The following CCDC186 variants were observed in gnomAD, a reference collection of about 807,000 sequenced individuals.
CCDC186 encodes coiled-coil domain-containing protein 186.
Under a neutral mutation model 113.7 loss-of-function variants are expected in CCDC186, and 49 were observed. The ratio of observed to expected loss-of-function variants is 0.43; its 90% CI spans 0.34 to 0.55. CCDC186 has a LOEUF of 0.55. Ranked by LOEUF, CCDC186 falls within the 20% of genes least tolerant of loss-of-function variation. CCDC186 has a pLI of 0.02. For missense variants in CCDC186, 890 were observed against 1,011.1 expected (o/e 0.88, Z 1.62); for synonymous variants, 355 against 345.8 (o/e 1.03, Z -0.30).
chr10:114,163,028 C>T lies in CCDC186; in HGVS notation c.241G>A (p.Ala81Thr). Reference sequence around the variant, plus strand: ...TTTTCTGAGCCTGTGTCTGTTTTGGCACAAGAATCCTCACCTCCACCATGA... The same window carrying T: ...TTTTCTGAGCCTGTGTCTGTTTTGGTACAAGAATCCTCACCTCCACCATGA... Reference protein sequence around the residue: ...PDHGGGEDSCAKTDTGSENSE... With the variant: ...PDHGGGEDSCTKTDTGSENSE... The change falls in exon 2 of 16, where the codon GCC (alanine) becomes ACC (threonine). Residue 81 changes from alanine to threonine, a missense_variant. Ala to Thr is a moderately conservative substitution (Grantham distance 58). Coordinates refer to ENST00000369287, the MANE Select transcript of CCDC186 (RefSeq NM_018017.4). 6.2e-7 allele frequency: 1 copy of T among 1,614,086 alleles called. No individual in the cohort carries two copies. The highest frequency in any genetic ancestry group is 8.5e-7 in the Non-Finnish European group (1 of 1,179,976).
At chr10:114,169,234 CTTTTTTTTTTTTTT>C (rs34677282) in intron 1 of CCDC186, among the ~76,000 whole-genome samples, 1 of 97,502 alleles carries the variant, frequency 1.0e-5, no homozygotes, top group Non-Finnish European at 2.0e-5. Context: ...TAGTACCATT[CTTTTTTTTTTTTTT>C]TTTTTTTTTT....
chr10:114,134,855 T>C (rs1181493360), intron 10 of CCDC186, 58 bp downstream of exon 10: 3 of 1,540,378 alleles, frequency 1.9e-6, no homozygotes, highest in African/African-American at 2.8e-5. Context: ...TTAGAAAATC[T>C]TGAAATAAAA....
intron 15 of CCDC186, 105 bp from the exon 16 acceptor site, chr10:114,125,331 G>C (rs928032703): frequency 7.9e-6 from 6 of 758,192 alleles, no homozygotes; most frequent in Non-Finnish European, 1.1e-5. Context: ...AAATGAAAGA[G>C]TGGTTAGTCC....
intron 3 of CCDC186, among the ~76,000 whole-genome samples, chr10:114,157,095 G>A (rs1172684396): frequency 6.6e-6 from 1 of 151,384 alleles, no homozygotes; most frequent in East Asian, 1.9e-4. Flanking sequence ...TTGTAAAGGA[G>A]AATGGTTTAA....
chr10:114,126,269 T>C (rs2030897317), intron 14 of CCDC186, among the ~76,000 whole-genome samples, 164 bp from the exon 15 acceptor site: 1 of 152,232 alleles, frequency 6.6e-6, no homozygotes, highest in Non-Finnish European at 1.5e-5. Context: ...TCTTAAACTA[T>C]CTCATTTTTG....
chr10:114,166,582 A>C (rs1589634273), intron 1 of CCDC186, among the ~76,000 whole-genome samples: 1 of 152,222 alleles, frequency 6.6e-6, no homozygotes, highest in South Asian at 2.1e-4. Context: ...AACTGAATCA[A>C]ACTCTTAAGT....
chr10:114,145,765 CA>C lies in CCDC186; in HGVS notation c.889-5del, dbSNP rs775074658. The C allele has an allele frequency of 1.4e-4, 223 of 1,560,810 alleles. No individual in the cohort carries two copies. The highest frequency in any genetic ancestry group is 3.5e-4 in the Admixed American group (16 of 45,884). ...CCTCTTCACATTTCTTGTTGGCCTT[CA>C]AAAAAAATATTACTTAGCATTAATG... On this transcript the variant is annotated splice_region_variant and splice_polypyrimidine_tract_variant and intron_variant, in intron 4 of 15. Transcript: ENST00000369287.
chr10:114,125,462 ATTAC>A (rs1011304484), intron 15 of CCDC186, among the ~76,000 whole-genome samples: 5 of 152,188 alleles, frequency 3.3e-5, no homozygotes, highest in African/African-American at 7.2e-5. Flanking sequence ...GCATAAAATG[ATTAC>A]TTACTATTAC....
Position 114,127,499 on chromosome 10 carries a change from G to A in CCDC186, c.2355C>T (p.His785=). The A allele has an allele frequency of 1.2e-6, 2 of 1,613,920 alleles. No homozygotes were observed. The highest frequency in any genetic ancestry group is 1.1e-5 in the South Asian group (1 of 91,064). ...KNEKIEFMED[H]IKQLVEEIRK... ...TAATTTCTTCCACCAGTTGTTTGAT[G>A]TGGTCCTCCATAAATTCTATCTTTT... Residue 785 remains histidine (H), a synonymous_variant, in exon 14 of 16, where the codon CAC becomes CAT. Transcript: ENST00000369287.
At chr10:114,159,662 A>AG (rs1390038862) in intron 2 of CCDC186, among the ~76,000 whole-genome samples, 1 of 149,516 alleles carries the variant, frequency 6.7e-6, no homozygotes, top group Non-Finnish European at 1.5e-5. Flanking sequence ...AAAAAAAAAA[A>AG]AAGAATTTTA....
rs1311694854 is a variant in CCDC186 at position 114,132,092 on chromosome 10, T to C, written c.1748A>G (p.Lys583Arg). Residue 583 changes from lysine to arginine, a missense_variant, in exon 11 of 16, where the codon AAA becomes AGA. Transcript: ENST00000369287. Reference protein sequence around the residue: ...DLQKDIEGSRKRESELLLFTE... With the variant: ...DLQKDIEGSRRRESELLLFTE... ...AAACAGCAGCAGCTCAGATTCTCTT[T>C]TCCTACTGCCTTCGATGTCTTTTTG... The C allele has an allele frequency of 1.7e-5, 27 of 1,613,572 alleles. No homozygotes were observed. Among genetic ancestry groups the C allele is most frequent in the Non-Finnish European group, 2.3e-5 (27 of 1,179,778 alleles).
chr10:114,170,308 T>C (rs956029581), intron 1 of CCDC186, among the ~76,000 whole-genome samples: 4 of 151,922 alleles, frequency 2.6e-5, no homozygotes, highest in African/African-American at 7.3e-5. Flanking sequence ...TATTAAGCTT[T>C]TGGGTAAAAG....
At chr10:114,147,028 G>A (rs1410021478) in intron 4 of CCDC186, among the ~76,000 whole-genome samples, 1 of 152,160 alleles carries the variant, frequency 6.6e-6, no homozygotes, top group East Asian at 1.9e-4. Flanking sequence ...ATTGCATTAG[G>A]GATATGATAG....
chr10:114,148,798 A>C (rs1250056341), intron 4 of CCDC186, among the ~76,000 whole-genome samples: 1 of 152,230 alleles, frequency 6.6e-6, no homozygotes, highest in Non-Finnish European at 1.5e-5. Flanking sequence ...AAAATTTATA[A>C]TACAGCTACA....
chr10:114,130,087 T>C, intron 12 of CCDC186, 116 bp from the exon 13 acceptor site: 1 of 789,920 alleles, frequency 1.3e-6, no homozygotes, highest in East Asian at 2.7e-5. Flanking sequence ...AGAAAGTTCT[T>C]GAATACATAC....
intron 1 of CCDC186, among the ~76,000 whole-genome samples, chr10:114,169,433 G>A (rs1184103508): frequency 1.3e-5 from 2 of 151,518 alleles, no homozygotes; most frequent in Non-Finnish European, 2.9e-5. Context: ...TAGTAAAGAT[G>A]GGGTTTCACC....
At chr10:114,126,188 A>G in intron 14 of CCDC186, 83 bp from the exon 15 acceptor site, 1 of 1,002,920 alleles carries the variant, frequency 1.0e-6, no homozygotes, top group South Asian at 1.5e-5. Context: ...AATCATAAAG[A>G]TAAGCATAAA....
At position 114,124,781 on chromosome 10, in the gene CCDC186, T is replaced by G. The variant is rs1325115266; in HGVS notation, c.*362A>C. 1 of 172,966 alleles carries G rather than the reference T, an allele frequency of 5.8e-6. No homozygotes were observed. The highest frequency in any genetic ancestry group is 1.5e-4 in the East Asian group (1 of 6,604). 10.7% of individuals were successfully genotyped at this position (172,966 alleles called of 1,614,324 possible). A position where few individuals can be genotyped will look rare whatever the true frequency, so the allele number is the denominator to read the frequency against. On this transcript the variant is annotated 3_prime_UTR_variant, in exon 16 of 16. Transcript: ENST00000369287. The stretch of plus-strand genomic sequence containing the variant: ...ACCACCTGTTTTCATGCATAATTTT[T>G]AAAAGGTGAGTCATTTTTGACATTA...
At chr10:114,151,360 A>C in intron 3 of CCDC186, 140 bp from the exon 4 acceptor site, 1 of 708,790 alleles carries the variant, frequency 1.4e-6, no homozygotes, top group Non-Finnish European at 2.2e-6. Flanking sequence ...AACTTTTAGC[A>C]ATGTTTCTAT....
Sources: gnomAD v4.1 joint callset for allele counts (sites outside exome capture counted in the v4.1 genomes callset) on GRCh38, gnomAD v4.1.1 for gene constraint, MANE v1.5 for transcripts, NCBI Gene and HGNC (gene_info 2026-07-23, HGNC 2026-07-21) for gene names.